ZNF420: variants seen among roughly 807,000 people sequenced by gnomAD.
ZNF420 encodes ATM and p53-associated KZNF protein.
ZNF420 carries 31 observed loss-of-function variants against 44.7 expected under a neutral mutation model. The observed-to-expected ratio is 0.69, with a 90% CI of 0.52 to 0.94. ZNF420 has a LOEUF of 0.94. ZNF420 is among the 40% of genes least tolerant of loss of function. The pLI is 0.00. For missense variants in ZNF420, 681 were observed against 827.9 expected, an observed-to-expected ratio of 0.82 and a Z score of 2.18; for synonymous variants, 245 against 267.4, an observed-to-expected ratio of 0.92 and a Z score of 0.82.
intron 1 of ZNF420, among the ~76,000 whole-genome samples, chr19:37,039,513 A>T (rs1390943359): frequency 6.6e-6 from 1 of 152,152 alleles, no homozygotes; most frequent in Non-Finnish European, 1.5e-5. Flanking sequence ...AGGTCTCAAC[A>T]GTGGGATTAA....
intron 1 of ZNF420, among the ~76,000 whole-genome samples, chr19:37,031,507 TTTTC>T: frequency 6.6e-6 from 1 of 152,196 alleles, no homozygotes; most frequent in South Asian, 2.1e-4. Flanking sequence ...ATGCATTTTC[TTTTC>T]TTTATTTTTT....
chr19:37,029,856 A>G (rs1967225356), intron 1 of ZNF420, among the ~76,000 whole-genome samples: 1 of 145,800 alleles, frequency 6.9e-6, no homozygotes, highest in South Asian at 2.2e-4. Flanking sequence ...TTTAAGGTAC[A>G]CAATATAATG....
chr19:37,086,146 T>G (rs1968764803), intron 2 of ZNF420, among the ~76,000 whole-genome samples: 1 of 151,910 alleles, frequency 6.6e-6, no homozygotes, highest in Admixed American at 6.6e-5. Context: ...TCCCTTGTCT[T>G]CTTGTCCCCT....
chr19:37,048,722 T>A (rs1045651852), intron 1 of ZNF420, among the ~76,000 whole-genome samples: 156 of 152,236 alleles, frequency 1.0e-3, no homozygotes, highest in African/African-American at 2.9e-3. Flanking sequence ...TATTTAAAAA[T>A]TTTTTTTAAT....
chr19:37,118,901 A>G (rs1674752211), intron 4 of ZNF420, among the ~76,000 whole-genome samples: 2 of 152,254 alleles, frequency 1.3e-5, no homozygotes, highest in Admixed American at 1.3e-4. Context: ...AAAGGGATCA[A>G]TTCACCAAGA....
chr19:37,088,053 T>G (rs919869006), intron 2 of ZNF420, among the ~76,000 whole-genome samples: 1 of 152,356 alleles, frequency 6.6e-6, no homozygotes. Context: ...ACATGGTCTC[T>G]GCTGCAACTC....
intron 1 of ZNF420, among the ~76,000 whole-genome samples, chr19:37,031,012 C>T (rs768096179): frequency 1.1e-4 from 17 of 152,200 alleles, no homozygotes; most frequent in Non-Finnish European, 1.6e-4. Context: ...CCCCCCACCA[C>T]GCCCGGCTAA....
At chr19:37,038,682 G>T (rs879886279) in intron 1 of ZNF420, among the ~76,000 whole-genome samples, 11 of 152,238 alleles carry the variant, frequency 7.2e-5, no homozygotes, top group Middle Eastern at 3.4e-3. Flanking sequence ...GCAGGGCGCG[G>T]TGGCTCAGGC....
rs759579445 is a variant in ZNF420 at position 37,130,104 on chromosome 19, TC to T, written c.*1048del. The T allele has an allele frequency of 1.9e-6, 3 of 1,550,456 alleles. No homozygotes were observed. Among genetic ancestry groups the T allele is most frequent in the South Asian group, 2.4e-5 (2 of 84,064 alleles). The stretch of plus-strand genomic sequence containing the variant: ...GTAGGAGATTTACGAAATCCATTTT[TC>T]CTGTCTTTTTTTCCGTGCCTACAAT... On this transcript the variant is annotated 3_prime_UTR_variant, in exon 5 of 5. Coordinates refer to ENST00000337995, the MANE Select transcript of ZNF420 (RefSeq NM_144689.5).
intron 4 of ZNF420, among the ~76,000 whole-genome samples, chr19:37,093,469 C>T (rs777368206): frequency 1.9e-4 from 29 of 152,108 alleles, no homozygotes; most frequent in Non-Finnish European, 3.7e-4. Context: ...GATCCGCCCA[C>T]CTCCCTCCCA....
At chr19:37,103,559 A>G (rs1969899148) in intron 4 of ZNF420, among the ~76,000 whole-genome samples, 1 of 152,210 alleles carries the variant, frequency 6.6e-6, no homozygotes, top group Admixed American at 6.5e-5. Context: ...TCTCACTGAG[A>G]AAACTGAAGC....
At chr19:37,029,485 A>G (rs1967213302) in intron 1 of ZNF420, among the ~76,000 whole-genome samples, 1 of 151,980 alleles carries the variant, frequency 6.6e-6, no homozygotes, top group African/African-American at 2.4e-5. Context: ...CTCACTTGAG[A>G]GTCAATATTT....
intron 2 of ZNF420, among the ~76,000 whole-genome samples, chr19:37,081,823 G>A (rs944480594): frequency 6.7e-6 from 1 of 150,200 alleles, no homozygotes; most frequent in Non-Finnish European, 1.5e-5. Context: ...AGGGATTACA[G>A]GTGTGAGCCA....
At chr19:37,050,770 A>T (rs983138287) in intron 1 of ZNF420, among the ~76,000 whole-genome samples, 7 of 152,184 alleles carry the variant, frequency 4.6e-5, no homozygotes, top group Admixed American at 1.3e-4. Flanking sequence ...GAGTGGTGAG[A>T]GAGGGCATCC....
intron 1 of ZNF420, among the ~76,000 whole-genome samples, chr19:37,009,442 G>C (rs1380658013): frequency 6.6e-6 from 1 of 152,136 alleles, no homozygotes; most frequent in Non-Finnish European, 1.5e-5. Flanking sequence ...CACATGCCTG[G>C]ACACCAGTGT....
chr19:37,125,464 A>G (rs1159782334), intron 4 of ZNF420, among the ~76,000 whole-genome samples: 1 of 152,198 alleles, frequency 6.6e-6, no homozygotes, highest in Non-Finnish European at 1.5e-5. Flanking sequence ...GTTATAGGGA[A>G]ACCACAGATC....
At chr19:37,030,633 A>G (rs1967240416) in intron 1 of ZNF420, among the ~76,000 whole-genome samples, 1 of 152,166 alleles carries the variant, frequency 6.6e-6, no homozygotes, top group Non-Finnish European at 1.5e-5. Context: ...CACAGAAGTT[A>G]TTTTCATATA....
chr19:37,018,377 C>T (rs1465337688), intron 1 of ZNF420, among the ~76,000 whole-genome samples: 2 of 152,074 alleles, frequency 1.3e-5, no homozygotes, highest in Non-Finnish European at 2.9e-5. Flanking sequence ...CTGGAAAAAT[C>T]ACACTTTCTG....
At chr19:37,120,179 T>C (rs1369507542) in intron 4 of ZNF420, among the ~76,000 whole-genome samples, 2 of 152,092 alleles carry the variant, frequency 1.3e-5, no homozygotes, top group South Asian at 2.1e-4. Flanking sequence ...AAAAAGAGAA[T>C]TTTAGACCAA....
Sources: allele counts gnomAD v4.1 joint callset (sites outside exome capture counted in the v4.1 genomes callset), GRCh38; gene constraint gnomAD v4.1.1; transcripts MANE v1.5; gene names NCBI Gene and HGNC (gene_info 2026-07-23, HGNC 2026-07-21).